SLC44A5: variants seen among roughly 807,000 people sequenced by gnomAD.
SLC44A5 encodes the protein choline transporter-like protein 5.
In SLC44A5, 57 loss-of-function variants were observed where a neutral mutation model predicts 101.8. The ratio of observed to expected loss-of-function variants is 0.56; its 90% CI spans 0.45 to 0.70. The LOEUF is 0.70. Ranked by LOEUF, SLC44A5 falls within the 30% of genes least tolerant of loss-of-function variation. The pLI is 0.00. For synonymous variants in SLC44A5, 281 were observed against 290.9 expected (o/e 0.97, Z 0.35); for missense variants, 737 against 853.1 (o/e 0.86, Z 1.70).
chr1:75,243,030 A>T lies in SLC44A5; in HGVS notation c.346-19T>A. ...CACAGATCTGTGAACGAACAAAGTGATGAGAACTGAACTGAGTTGAACAAA... is the reference window on the plus strand; with the variant it reads ...CACAGATCTGTGAACGAACAAAGTGTTGAGAACTGAACTGAGTTGAACAAA... On this transcript the variant is annotated intron_variant, in intron 7 of 23. Coordinates refer to ENST00000370859, the MANE Select transcript of SLC44A5 (RefSeq NM_001130058.2). 6.2e-7 allele frequency: 1 copy of T among 1,607,102 alleles called. No individual in the cohort carries two copies. Among genetic ancestry groups the T allele is most frequent in the African/African-American group, 1.3e-5 (1 of 74,710 alleles).
chr1:75,552,140 C>T (rs1671969554), intron 1 of SLC44A5, among the ~76,000 whole-genome samples: 1 of 152,030 alleles, frequency 6.6e-6, no homozygotes, highest in African/African-American at 2.4e-5. Context: ...GCTCACAAAC[C>T]CTGTGATCTT....
the SLC44A5 span, among the ~76,000 whole-genome samples, chr1:75,622,025 T>C: frequency 1.3e-5 from 2 of 152,134 alleles, no homozygotes; most frequent in Non-Finnish European, 2.9e-5. Context: ...CTTACTATAA[T>C]AAAATTTCAC....
chr1:75,687,541 T>C, the SLC44A5 span, among the ~76,000 whole-genome samples: 1 of 151,990 alleles, frequency 6.6e-6, no homozygotes, highest in African/African-American at 2.4e-5. Flanking sequence ...TGACCTCAGG[T>C]GATCTGCCCA....
chr1:75,452,020 G>A (rs1665935353), intron 2 of SLC44A5, among the ~76,000 whole-genome samples: 1 of 152,120 alleles, frequency 6.6e-6, no homozygotes, highest in South Asian at 2.1e-4. Context: ...GCTAGAGAGG[G>A]AGGCATCCAG....
At chr1:75,489,582 G>A (rs1668328628) in intron 2 of SLC44A5, among the ~76,000 whole-genome samples, 2 of 152,198 alleles carry the variant, frequency 1.3e-5, no homozygotes, top group Admixed American at 1.3e-4. Flanking sequence ...TGTTTTAGCA[G>A]GTAGAAGCTT....
intron 2 of SLC44A5, among the ~76,000 whole-genome samples, chr1:75,450,132 A>T (rs796460045): frequency 6.6e-6 from 1 of 152,144 alleles, no homozygotes; most frequent in African/African-American, 2.4e-5. Flanking sequence ...ACACGAGCAA[A>T]CTTCCCCCGT....
At chr1:75,487,571 T>G (rs892314581) in intron 2 of SLC44A5, among the ~76,000 whole-genome samples, 1 of 152,212 alleles carries the variant, frequency 6.6e-6, no homozygotes, top group Non-Finnish European at 1.5e-5. Flanking sequence ...CAGAGCTCAA[T>G]GGACTGTGAT....
At chr1:75,662,336 C>G in the SLC44A5 span, among the ~76,000 whole-genome samples, 1 of 151,746 alleles carries the variant, frequency 6.6e-6, no homozygotes, top group Non-Finnish European at 1.5e-5. Flanking sequence ...ATGGTGGTTA[C>G]CAAAGGCTGA....
At chr1:75,680,681 C>A in the SLC44A5 span, among the ~76,000 whole-genome samples, 5 of 151,086 alleles carry the variant, frequency 3.3e-5, no homozygotes, top group Non-Finnish European at 5.9e-5. Context: ...AATTGACACC[C>A]TAACATCACA....
the SLC44A5 span, among the ~76,000 whole-genome samples, chr1:75,681,414 C>A: frequency 7.9e-5 from 12 of 151,706 alleles, no homozygotes; most frequent in South Asian, 1.9e-3. Flanking sequence ...CCACCATGAT[C>A]AAGTGGGCTT....
Position 75,299,291 on chromosome 1 carries a change from TCTCC to T in SLC44A5, c.175+1317_175+1320del, listed in dbSNP as rs537073540. On this transcript the variant is annotated intron_variant, in intron 5 of 23. Transcript: ENST00000370859. Reference sequence around the variant, plus strand: ...TGTGATTTATGCTCCTTTATTTTTCTCTCCCTCCCTATTTTCCTGTCTTAATTTT... The same window carrying T: ...TGTGATTTATGCTCCTTTATTTTTCTCTCCCTATTTTCCTGTCTTAATTTT... 2.0e-5 allele frequency among the ~76,000 whole-genome samples: 3 copies of T among 152,326 alleles called. No homozygotes were observed. In the East Asian group the frequency reaches 5.8e-4, roughly 29 times the overall value.
intron 4 of SLC44A5, among the ~76,000 whole-genome samples, chr1:75,338,241 A>C (rs1380357926): frequency 6.6e-6 from 1 of 152,140 alleles, no homozygotes; most frequent in Non-Finnish European, 1.5e-5. Context: ...CCTCACAGTG[A>C]TTATCACAGT....
chr1:75,531,665 G>A (rs1670727901), intron 2 of SLC44A5, among the ~76,000 whole-genome samples: 1 of 152,134 alleles, frequency 6.6e-6, no homozygotes. Context: ...ACCTGGCAAT[G>A]GGAAAATATT....
chr1:75,278,238 A>ATAT (rs80259158), intron 5 of SLC44A5, among the ~76,000 whole-genome samples: 108,629 of 150,808 alleles, frequency 0.72, 39,317 homozygotes, highest in East Asian at 0.96. Flanking sequence ...TAAATAAAAT[A>ATAT]TATTAAGTTA....
At chr1:75,343,678 G>A (rs1405145478) in intron 3 of SLC44A5, among the ~76,000 whole-genome samples, 1 of 152,062 alleles carries the variant, frequency 6.6e-6, no homozygotes, top group Admixed American at 6.6e-5. Context: ...GAGTAAGCAG[G>A]TCAGATTACT....
the SLC44A5 span, among the ~76,000 whole-genome samples, chr1:75,696,789 G>C: frequency 2.0e-5 from 3 of 152,034 alleles, no homozygotes; most frequent in Non-Finnish European, 4.4e-5. Context: ...TATAGTCCCA[G>C]CTACTCGGGA....
intron 5 of SLC44A5, among the ~76,000 whole-genome samples, chr1:75,292,166 A>G (rs1438609045): frequency 6.6e-6 from 1 of 152,026 alleles, no homozygotes; most frequent in African/African-American, 2.4e-5. Context: ...GGTTCTGTTC[A>G]GGCAGGTCCT....
chr1:75,604,744 G>A (rs1675217834), intron 1 of SLC44A5, among the ~76,000 whole-genome samples: 1 of 109,298 alleles, frequency 9.1e-6, no homozygotes, highest in Admixed American at 1.1e-4. Context: ...TTGGTTAGAG[G>A]TGAAACCAAG....
In SLC44A5 at chr1:75,276,341, T is replaced by C. The variant is rs2100752607; in HGVS notation, c.176-1299A>G. Reference sequence around the variant, plus strand: ...GTCTCCAGACCCCGTATCATTACATTCTGCTTCTATACCTTAGTTTGTCAT... The same window carrying C: ...GTCTCCAGACCCCGTATCATTACATCCTGCTTCTATACCTTAGTTTGTCAT... On this transcript the variant is annotated intron_variant, in intron 5 of 23. Transcript: ENST00000370859. Among the ~76,000 whole-genome samples, 4 of 152,324 alleles carry C rather than the reference T, an allele frequency of 2.6e-5. No individual in the cohort carries two copies. In the South Asian group the frequency reaches 8.3e-4, roughly 32 times the overall value.
Sources: gnomAD v4.1 joint callset for allele counts (sites outside exome capture counted in the v4.1 genomes callset) on GRCh38, gnomAD v4.1.1 for gene constraint, MANE v1.5 for transcripts, NCBI Gene and HGNC (gene_info 2026-07-23, HGNC 2026-07-21) for gene names.